Variants in ADGRG5 observed in about 807,000 individuals in gnomAD.
The protein encoded by ADGRG5 is adhesion G protein-coupled receptor G5, also known as G protein-coupled receptor 114.
ADGRG5 carries 37 observed loss-of-function variants against 53.2 expected under a neutral mutation model. The ratio of observed to expected loss-of-function variants is 0.70; its 90% CI spans 0.53 to 0.91. ADGRG5 has a LOEUF of 0.91. ADGRG5 is among the 40% of genes least tolerant of loss of function. The pLI, the probability that ADGRG5 is intolerant of heterozygous loss-of-function variation, is 0.00. For synonymous variants in ADGRG5, 277 were observed against 290.4 expected (o/e 0.95, Z 0.47); for missense variants, 614 against 675.8 (o/e 0.91, Z 1.01).
Position 57,565,155 on chromosome 16 carries a change from T to G in ADGRG5, c.546+5T>G. On this transcript the variant is annotated splice_donor_5th_base_variant and intron_variant, in intron 6 of 11. Coordinates refer to ENST00000349457, the MANE Select transcript of ADGRG5 (RefSeq NM_001304376.3). Reference sequence around the variant, plus strand: ...TTCTGGCACAACCAAAGCCTGGTACTGCTGGGGGCGCCCCCGTTTCCACTG... The same window carrying G: ...TTCTGGCACAACCAAAGCCTGGTACGGCTGGGGGCGCCCCCGTTTCCACTG... The G allele has an allele frequency of 1.3e-6, 2 of 1,589,598 alleles. No individual in the cohort carries two copies. The highest frequency in any genetic ancestry group is 1.7e-6 in the Non-Finnish European group (2 of 1,157,892).
At chr16:57,543,101 G>A (rs2032525941) in intron 1 of ADGRG5, 1 of 152,108 alleles carries the variant, frequency 6.6e-6, no homozygotes, top group Non-Finnish European at 1.5e-5. Context: ...CACAGTTTGT[G>A]CTTGGCAATC....
At chr16:57,546,326 A>G (rs150157599) in intron 1 of ADGRG5, among the ~76,000 whole-genome samples, 51 of 151,946 alleles carry the variant, frequency 3.4e-4, no homozygotes, top group African/African-American at 1.2e-3. Flanking sequence ...AGATCTTGCT[A>G]TGTTGCTTAG....
chr16:57,562,892 C>T (rs1297764262), intron 3 of ADGRG5, among the ~76,000 whole-genome samples, 199 bp from the exon 4 acceptor site: 3 of 152,106 alleles, frequency 2.0e-5, no homozygotes, highest in Non-Finnish European at 4.4e-5. Context: ...GGGACCTGAA[C>T]AGGAGTTAAT....
chr16:57,554,588 G>A (rs1476286857), intron 1 of ADGRG5, among the ~76,000 whole-genome samples: 1 of 152,104 alleles, frequency 6.6e-6, no homozygotes, highest in Non-Finnish European at 1.5e-5. Context: ...GTGTTAGCCA[G>A]GATGGTCTCA....
upstream of ADGRG5, among the ~76,000 whole-genome samples, chr16:57,541,184 C>CTGAA (rs1333212972): frequency 6.6e-6 from 1 of 152,194 alleles, no homozygotes; most frequent in Non-Finnish European, 1.5e-5. Flanking sequence ...TAGCCCCCAA[C>CTGAA]TGAAGCAAGG....
intron 1 of ADGRG5, among the ~76,000 whole-genome samples, chr16:57,557,607 CA>C (rs1397602591): frequency 2.0e-5 from 3 of 152,126 alleles, no homozygotes; most frequent in Non-Finnish European, 2.9e-5. Flanking sequence ...ATTCCAGTTA[CA>C]TATATACAGA....
the ADGRG5 span, among the ~76,000 whole-genome samples, chr16:57,535,720 T>C: frequency 3.3e-5 from 5 of 149,408 alleles, no homozygotes; most frequent in Non-Finnish European, 5.9e-5. Context: ...ATCACTGATA[T>C]GCTGTGTGAT....
Position 57,564,504 on chromosome 16 carries a change from G to A in ADGRG5, c.429+525G>A, listed in dbSNP as rs117471714. On this transcript the variant is annotated intron_variant, in intron 5 of 11. Coordinates refer to ENST00000349457, the MANE Select transcript of ADGRG5 (RefSeq NM_001304376.3). The stretch of plus-strand genomic sequence containing the variant: ...TTTAGTAGAGACCGGGTTTAACCAC[G>A]TTGGCCAGGCTGATCTTGAACTCCT... Among the ~76,000 whole-genome samples, 1,501 of 152,240 alleles carry A rather than the reference G, an allele frequency of 9.9e-3. 6 individuals carry two copies. Among genetic ancestry groups the A allele is most frequent in the Non-Finnish European group, 0.015 (1,054 of 68,012 alleles).
the ADGRG5 span, among the ~76,000 whole-genome samples, chr16:57,537,076 C>T: frequency 1.3e-5 from 2 of 152,186 alleles, no homozygotes; most frequent in African/African-American, 4.8e-5. Context: ...AGCAACCTTG[C>T]GCTTGTTAAG....
intron 6 of ADGRG5, 86 bp from the exon 7 acceptor site, chr16:57,566,513 G>C: frequency 8.5e-7 from 1 of 1,181,922 alleles, no homozygotes; most frequent in Non-Finnish European, 1.1e-6. Context: ...ATGTGCAGTT[G>C]AGTCACCGTT....
chr16:57,562,640 C>T (rs1859259), intron 3 of ADGRG5, 181 bp downstream of exon 3: 191,167 of 577,340 alleles, frequency 0.33, 33,359 homozygotes, highest in East Asian at 0.54. Flanking sequence ...AGTTTATCAT[C>T]GAGGAATGGG....
chr16:57,537,225 G>C, the ADGRG5 span, among the ~76,000 whole-genome samples: 2 of 152,114 alleles, frequency 1.3e-5, no homozygotes, highest in Non-Finnish European at 2.9e-5. Flanking sequence ...CTCTCTATTG[G>C]GGGTAGGATG....
the ADGRG5 span, among the ~76,000 whole-genome samples, chr16:57,530,037 A>G: frequency 6.6e-6 from 1 of 152,198 alleles, no homozygotes; most frequent in East Asian, 1.9e-4. Context: ...TATGGTATCT[A>G]TGAGTACAAA....
intron 1 of ADGRG5, among the ~76,000 whole-genome samples, chr16:57,554,296 A>G (rs2032823098): frequency 6.6e-6 from 1 of 151,414 alleles, no homozygotes; most frequent in Non-Finnish European, 1.5e-5. Context: ...AATATTATTG[A>G]GGTTTTCAAA....
upstream of ADGRG5, among the ~76,000 whole-genome samples, chr16:57,541,049 C>A (rs73545075): frequency 0.077 from 11,706 of 152,202 alleles, 1,289 homozygotes; most frequent in African/African-American, 0.25. Context: ...CCTCCACCTC[C>A]CAAAGTGCTG....
intron 1 of ADGRG5, among the ~76,000 whole-genome samples, chr16:57,557,425 A>G (rs2032908644): frequency 6.6e-6 from 1 of 152,156 alleles, no homozygotes; most frequent in Admixed American, 6.5e-5. Flanking sequence ...ACTAGGATGT[A>G]TCTAGATGTG....
the ADGRG5 span, among the ~76,000 whole-genome samples, chr16:57,530,397 T>C: frequency 1.3e-5 from 2 of 152,068 alleles, no homozygotes; most frequent in African/African-American, 4.8e-5. Flanking sequence ...CATCACACTT[T>C]TCCTTCCCCA....
At chr16:57,539,309 T>C (rs1252034765), upstream of ADGRG5, among the ~76,000 whole-genome samples, 1 of 152,168 alleles carries the variant, frequency 6.6e-6, no homozygotes, top group East Asian at 1.9e-4. Flanking sequence ...CGGTGATTGC[T>C]AAGGGCTTGG....
At chr16:57,570,031 T>A (rs12447737) in intron 9 of ADGRG5, among the ~76,000 whole-genome samples, 50,693 of 151,534 alleles carry the variant, frequency 0.33, 9,089 homozygotes, top group East Asian at 0.7. Context: ...CACCTCCATC[T>A]CCACCATCAT....
Sources: allele counts gnomAD v4.1 joint callset (sites outside exome capture counted in the v4.1 genomes callset), GRCh38; gene constraint gnomAD v4.1.1; transcripts MANE v1.5; gene names NCBI Gene and HGNC (gene_info 2026-07-23, HGNC 2026-07-21).